Variants in SPACA6 observed in about 807,000 individuals in gnomAD.
The protein encoded by SPACA6 is sperm acrosome membrane-associated protein 6.
For synonymous variants in SPACA6, 6 were observed against 1.5 expected (o/e 4.05, Z -2.21); for missense variants, 8 against 2.8 (o/e 2.88, Z -1.34).
At chr19:51,697,467 A>G (rs1170058946) in intron 2 of SPACA6, among the ~76,000 whole-genome samples, 1 of 152,120 alleles carries the variant, frequency 6.6e-6, no homozygotes, top group Non-Finnish European at 1.5e-5. Flanking sequence ...CATTCATATT[A>G]AGTATCTTCC....
chr19:51,687,394 A>T (rs1028607398), upstream of SPACA6: 1 of 152,004 alleles, frequency 6.6e-6, no homozygotes. Context: ...TACACTAGGA[A>T]TAAATAGATG....
At chr19:51,687,863 C>T (rs1166593228), upstream of SPACA6, 2 of 152,458 alleles carry the variant, frequency 1.3e-5, no homozygotes, top group Non-Finnish European at 2.9e-5. Context: ...CTACCTGTTT[C>T]CCGCCCACAG....
rs563471952 is a variant in SPACA6 at position 51,711,243 on chromosome 19, A to G, written n.200-790A>G. Reference sequence around the variant, plus strand: ...ACAAGAGCAGTTTCTATGGAGAGCTAGGGGAAAGCATGACCATCTGATTGG... The same window carrying G: ...ACAAGAGCAGTTTCTATGGAGAGCTGGGGGAAAGCATGACCATCTGATTGG... On this transcript the variant is annotated intron_variant and non_coding_transcript_variant, in intron 2 of 2. Coordinates refer to the SPACA6 transcript ENST00000573896. Among the ~76,000 whole-genome samples, 66 of 152,306 alleles carry G rather than the reference A, an allele frequency of 4.3e-4. 1 individual carries two copies. Among genetic ancestry groups the G allele is most frequent in the African/African-American group, 1.5e-3 (64 of 41,580 alleles).
intron 2 of SPACA6, among the ~76,000 whole-genome samples, chr19:51,710,592 C>T (rs1478850302): frequency 6.6e-6 from 1 of 152,148 alleles, no homozygotes; most frequent in Non-Finnish European, 1.5e-5. Context: ...GATATACAAG[C>T]CTGGAATTTA....
At position 51,703,959 on chromosome 19, in the gene SPACA6, C is replaced by CG; in HGVS notation, c.574-65dup. 1 of 393,806 alleles carries CG rather than the reference C, an allele frequency of 2.5e-6. No individual in the cohort carries two copies. The allele number at this position is 393,806 out of a possible 1,614,324, so 24.4% of individuals were successfully genotyped here. The stretch of plus-strand genomic sequence containing the variant: ...GGACTCCAGGGGGCGTGGTCTGGCT[C>CG]GGGGGGCGGGGCTTGTAGGTTACTC... On this transcript the variant is annotated intron_variant, in intron 6 of 8. Transcript: ENST00000637797. The surrounding 1 kb of genome is among the most constrained non-coding windows in gnomAD (Gnocchi z 4.2).
At chr19:51,712,847 C>G (rs904195774), downstream of SPACA6, among the ~76,000 whole-genome samples, 2 of 152,190 alleles carry the variant, frequency 1.3e-5, no homozygotes, top group African/African-American at 4.8e-5. Context: ...GGACCAGAGA[C>G]AAAAGCACCA....
At chr19:51,700,169 A>G (rs2167416) in intron 2 of SPACA6, among the ~76,000 whole-genome samples, 53,444 of 151,972 alleles carry the variant, frequency 0.35, 9,699 homozygotes, top group South Asian at 0.47. Context: ...CAGGAGAATC[A>G]CTTGAACCTG....
Position 51,702,667 on chromosome 19 carries a change from T to A in SPACA6, c.385+15T>A, listed in dbSNP as rs1446310324. On this transcript the variant is annotated intron_variant, in intron 4 of 8. Coordinates refer to ENST00000637797, the MANE Select transcript of SPACA6 (RefSeq NM_001316972.2). ...CCCTCCCTGCGGTAAGGACTTCATCTAAAACTTGGAAATTGCGGGGTAAGG... is the reference window on the plus strand; with the variant it reads ...CCCTCCCTGCGGTAAGGACTTCATCAAAAACTTGGAAATTGCGGGGTAAGG... 8 of 399,182 alleles carry A rather than the reference T, an allele frequency of 2.0e-5. No individual in the cohort carries two copies. The highest frequency in any genetic ancestry group is 2.5e-4 in the South Asian group (2 of 7,868). The allele number at this position is 399,182 out of a possible 1,614,324, so 24.7% of individuals were successfully genotyped here. A position where few individuals can be genotyped will look rare whatever the true frequency, so the allele number is the denominator to read the frequency against.
At chr19:51,707,668 G>A (rs1418321155), downstream of SPACA6, among the ~76,000 whole-genome samples, 2 of 152,112 alleles carry the variant, frequency 1.3e-5, no homozygotes, top group South Asian at 2.1e-4. Flanking sequence ...ACAACCCAGG[G>A]TTAGCGTCGC....
At position 51,703,114 on chromosome 19, in the gene SPACA6, C is replaced by A. The variant is rs2083482719; in HGVS notation, c.463+16C>A. On this transcript the variant is annotated intron_variant, in intron 5 of 8. Transcript: ENST00000637797. This position sits in a 1 kb window ranked among gnomAD's most constrained non-coding sequence, Gnocchi z 4.2. ...GACTGCCCAGGTGAGGGGGCGGGGC[C>A]TCGGGGTGCAGGAGGCCAACCTGAG... is the stretch of plus-strand genomic sequence containing the variant. The A allele has an allele frequency of 2.5e-6, 1 of 399,602 alleles. No homozygotes were observed. The highest frequency in any genetic ancestry group is 4.4e-6 in the Non-Finnish European group (1 of 226,462). 24.8% of individuals were successfully genotyped at this position (399,602 alleles called of 1,614,324 possible). A position where few individuals can be genotyped will look rare whatever the true frequency, so the allele number is the denominator to read the frequency against.
At chr19:51,701,438 T>A (rs569406313) in intron 2 of SPACA6, among the ~76,000 whole-genome samples, 5 of 152,216 alleles carry the variant, frequency 3.3e-5, no homozygotes, top group African/African-American at 1.2e-4. Context: ...TAGGGACTTG[T>A]TAGCCTTCAA....
chr19:51,693,488 A>G lies in SPACA6; in HGVS notation c.-39A>G. 2 of 524,844 alleles carry G rather than the reference A, an allele frequency of 3.8e-6. No homozygotes were observed. Among genetic ancestry groups the G allele is most frequent in the East Asian group, 5.8e-5 (2 of 34,484 alleles). 32.5% of individuals were successfully genotyped at this position (524,844 alleles called of 1,614,324 possible). ...TCCCCCGCCCTGTGGTGACTTCATA[A>G]AGGTTACTAGCTTCTCCCCTGGCCT... On this transcript the variant is annotated 5_prime_UTR_variant, in exon 1 of 9. Coordinates refer to ENST00000637797, the MANE Select transcript of SPACA6 (RefSeq NM_001316972.2).
chr19:51,690,825 TCCCCTCA>T (rs1439669182), upstream of SPACA6, among the ~76,000 whole-genome samples: 1 of 144,110 alleles, frequency 6.9e-6, no homozygotes, highest in Non-Finnish European at 1.5e-5. Flanking sequence ...GCTTCCCCTC[TCCCCTCA>T]CCCTCCTCCT....
At chr19:51,705,685 G>A (rs1307250777), downstream of SPACA6, among the ~76,000 whole-genome samples, 1 of 141,502 alleles carries the variant, frequency 7.1e-6, no homozygotes, top group African/African-American at 2.8e-5. Flanking sequence ...CATACCAGCA[G>A]GACTTGTTTT....
At chr19:51,705,610 G>A (rs998441318), downstream of SPACA6, among the ~76,000 whole-genome samples, 4 of 151,774 alleles carry the variant, frequency 2.6e-5, no homozygotes, top group African/African-American at 9.7e-5. Flanking sequence ...CCCACCTCAT[G>A]TCTGGATCAC....
At chr19:51,697,966 A>G (rs967069782) in intron 2 of SPACA6, among the ~76,000 whole-genome samples, 10 of 152,136 alleles carry the variant, frequency 6.6e-5, no homozygotes, top group African/African-American at 2.4e-4. Flanking sequence ...AACACTCACT[A>G]CGTGCTAGGA....
intron 2 of SPACA6, among the ~76,000 whole-genome samples, chr19:51,697,542 G>A (rs562361184): frequency 6.6e-6 from 1 of 152,142 alleles, no homozygotes; most frequent in Non-Finnish European, 1.5e-5. Flanking sequence ...AGAAGGGAAC[G>A]CTGGGCTCTT....
intron 2 of SPACA6, among the ~76,000 whole-genome samples, chr19:51,711,318 G>A (rs2083540346): frequency 2.0e-5 from 3 of 152,058 alleles, no homozygotes; most frequent in Admixed American, 2.0e-4. Flanking sequence ...ATTAGAGAAG[G>A]GCAAATCAAA....
chr19:51,699,992 A>G (rs1380191525), intron 2 of SPACA6, among the ~76,000 whole-genome samples: 1 of 152,126 alleles, frequency 6.6e-6, no homozygotes, highest in African/African-American at 2.4e-5. Context: ...GGTGGCCCAC[A>G]CCTGTAATCC....
Sources: allele counts gnomAD v4.1 joint callset (sites outside exome capture counted in the v4.1 genomes callset), GRCh38; gene constraint gnomAD v4.1.1; non-coding constraint Gnocchi (gnomAD v3.1); transcripts MANE v1.5; gene names NCBI Gene and HGNC (gene_info 2026-07-23, HGNC 2026-07-21).